DAAM2: variants seen among roughly 807,000 people sequenced by gnomAD.
The protein encoded by DAAM2 is disheveled-associated activator of morphogenesis 2.
DAAM2 carries 39 observed loss-of-function variants against 120.7 expected under a neutral mutation model. The ratio of observed to expected loss-of-function variants is 0.32; its 90% CI spans 0.25 to 0.42. The LOEUF is 0.42. DAAM2 is among the 10% of genes least tolerant of loss of function. DAAM2 has a pLI of 1.00. For missense variants in DAAM2, 1,283 were observed against 1,401.7 expected (o/e 0.92, Z 1.35); for synonymous variants, 488 against 524.9 (o/e 0.93, Z 0.96).
At chr6:39,825,117 C>T (rs1020561089) in intron 1 of DAAM2, among the ~76,000 whole-genome samples, 29 of 152,028 alleles carry the variant, frequency 1.9e-4, no homozygotes, top group Non-Finnish European at 2.6e-4. Flanking sequence ...AGGCTGGGTG[C>T]GGTGGCTCAC....
chr6:39,894,595 C>T (rs565616055), intron 19 of DAAM2, among the ~76,000 whole-genome samples: 2 of 146,936 alleles, frequency 1.4e-5, no homozygotes, highest in South Asian at 4.4e-4. Context: ...TTAGTTTTAT[C>T]GGTTTTGAAC....
intron 19 of DAAM2, 34 bp downstream of exon 19, chr6:39,891,756 A>C (rs1469143503): frequency 6.5e-7 from 1 of 1,543,268 alleles, no homozygotes; most frequent in African/African-American, 1.4e-5. Context: ...CTTAGAGTGG[A>C]GAGTTATCTG....
At chr6:39,849,262 CTG>C (rs1306080426) in intron 1 of DAAM2, among the ~76,000 whole-genome samples, 2 of 152,144 alleles carry the variant, frequency 1.3e-5, no homozygotes, top group Non-Finnish European at 2.9e-5. Context: ...TCCAGTAAAA[CTG>C]TATTTGGGAA....
At chr6:39,865,206 T>C in intron 5 of DAAM2, 132 bp downstream of exon 5, 1 of 649,220 alleles carries the variant, frequency 1.5e-6, no homozygotes. Context: ...CTGACTTCAC[T>C]TCCCAGCCCC....
intron 22 of DAAM2, chr6:39,899,149 C>G (rs1292395653): frequency 7.1e-6 from 4 of 564,446 alleles, no homozygotes; most frequent in Non-Finnish European, 6.3e-6. Flanking sequence ...TACTGTCCAA[C>G]TTGGTATCTA....
At chr6:39,833,986 A>G (rs1362598978) in intron 1 of DAAM2, among the ~76,000 whole-genome samples, 1 of 152,178 alleles carries the variant, frequency 6.6e-6, no homozygotes, top group Non-Finnish European at 1.5e-5. Flanking sequence ...CAACTTTCCC[A>G]AAGTCTTGCA....
chr6:39,886,498 G>A (rs1254477594), intron 15 of DAAM2: 1 of 399,236 alleles, frequency 2.5e-6, no homozygotes, highest in Non-Finnish European at 4.4e-6. Flanking sequence ...TGCTGTCCCG[G>A]GCTGCTGCTC....
intron 1 of DAAM2, among the ~76,000 whole-genome samples, chr6:39,813,064 G>A (rs1020676654): frequency 5.9e-5 from 9 of 151,836 alleles, no homozygotes; most frequent in African/African-American, 1.2e-4. Flanking sequence ...AACCACAACC[G>A]GGGAGCTTGC....
intron 2 of DAAM2, among the ~76,000 whole-genome samples, chr6:39,859,956 A>G (rs1351592071): frequency 1.3e-5 from 2 of 152,288 alleles, no homozygotes; most frequent in South Asian, 2.1e-4. Context: ...AAATATAAAG[A>G]GTCATAATAT....
chr6:39,802,165 C>T (rs1055391167), intron 1 of DAAM2, among the ~76,000 whole-genome samples: 7 of 152,348 alleles, frequency 4.6e-5, no homozygotes, highest in East Asian at 1.9e-4. Flanking sequence ...TTACCATCCT[C>T]GCTGCCCTGA....
In DAAM2 at chr6:39,903,958, C is replaced by T; in HGVS notation, c.*1921C>T. On this transcript the variant is annotated 3_prime_UTR_variant, in exon 25 of 25. Coordinates refer to ENST00000274867, the MANE Select transcript of DAAM2 (RefSeq NM_001201427.2). ...AGAGTTTGGCTATATGCATCTGCAG[C>T]CCCAAGAGCTCCCACTGCAAGACAA... The T allele has an allele frequency of 2.9e-6, 1 of 348,462 alleles. No individual in the cohort carries two copies. The highest frequency in any genetic ancestry group is 2.3e-5 in the South Asian group (1 of 43,676). The allele number at this position is 348,462 out of a possible 1,614,324, so 21.6% of individuals were successfully genotyped here.
Position 39,899,808 on chromosome 6 carries a change from A to G in DAAM2, c.2680-269A>G, listed in dbSNP as rs557539523. 24 of 321,840 alleles carry G rather than the reference A, an allele frequency of 7.5e-5. No homozygotes were observed. The South Asian group carries it at 1.1e-3, about 15-fold the overall frequency. 19.9% of individuals were successfully genotyped at this position (321,840 alleles called of 1,614,324 possible). On this transcript the variant is annotated intron_variant, in intron 22 of 24. Transcript: ENST00000274867. ...CAGCTTCTGATCCTGTGGGTCTGAG[A>G]GTCTGTATTTCTCATAATTTCCTAG...
intron 1 of DAAM2, among the ~76,000 whole-genome samples, chr6:39,830,958 G>C (rs1324781906): frequency 6.6e-6 from 1 of 152,130 alleles, no homozygotes; most frequent in Non-Finnish European, 1.5e-5. Context: ...GACCGGAGTG[G>C]GCATATTTAC....
At chr6:39,833,826 G>A (rs1246499579) in intron 1 of DAAM2, among the ~76,000 whole-genome samples, 1 of 152,168 alleles carries the variant, frequency 6.6e-6, no homozygotes, top group Non-Finnish European at 1.5e-5. Flanking sequence ...AAATATGTTG[G>A]GAAATATTTT....
At chr6:39,893,964 C>T (rs926675411) in intron 19 of DAAM2, among the ~76,000 whole-genome samples, 1 of 152,190 alleles carries the variant, frequency 6.6e-6, no homozygotes, top group Non-Finnish European at 1.5e-5. Context: ...AAAGCTAGTT[C>T]ACCAAATTTG....
At position 39,896,986 on chromosome 6, in the gene DAAM2, G is replaced by A; in HGVS notation, c.2510+6G>A. The A allele has an allele frequency of 6.2e-7, 1 of 1,602,548 alleles. No individual in the cohort carries two copies. The highest frequency in any genetic ancestry group is 8.5e-7 in the Non-Finnish European group (1 of 1,174,458). On this transcript the variant is annotated splice_donor_region_variant and intron_variant, in intron 20 of 24. Coordinates refer to ENST00000274867, the MANE Select transcript of DAAM2 (RefSeq NM_001201427.2). ...ACCAAGTCCAGCATCGACAGGTGAG[G>A]ACCTCCCTTCCCGGCCACTTCCTTG...
intron 1 of DAAM2, among the ~76,000 whole-genome samples, chr6:39,844,563 G>A (rs1328822640): frequency 6.6e-6 from 1 of 152,178 alleles, no homozygotes; most frequent in Non-Finnish European, 1.5e-5. Flanking sequence ...TGGATACTCA[G>A]TCTCCGGTCT....
chr6:39,794,002 A>C (rs548647053), intron 1 of DAAM2, among the ~76,000 whole-genome samples: 1 of 152,338 alleles, frequency 6.6e-6, no homozygotes, highest in Admixed American at 6.5e-5. Flanking sequence ...ACAGACCCAC[A>C]GGAAGTTAAG....
At chr6:39,887,307 C>T in intron 15 of DAAM2, 179 bp from the exon 16 acceptor site, 1 of 555,554 alleles carries the variant, frequency 1.8e-6, no homozygotes, top group Non-Finnish European at 3.2e-6. Flanking sequence ...GGAAAAGTCC[C>T]AGATACCGTC....
Sources: gnomAD v4.1 joint callset for allele counts (sites outside exome capture counted in the v4.1 genomes callset) on GRCh38, gnomAD v4.1.1 for gene constraint, MANE v1.5 for transcripts, NCBI Gene and HGNC (gene_info 2026-07-23, HGNC 2026-07-21) for gene names.